CNTN1: variants seen among roughly 807,000 people sequenced by gnomAD.
CNTN1 encodes contactin-1.
Under a neutral mutation model 126.4 loss-of-function variants are expected in CNTN1, and 38 were observed. The observed-to-expected ratio is 0.30, with a 90% confidence interval of 0.23 to 0.39. The LOEUF (loss-of-function observed/expected upper bound fraction) is 0.39. CNTN1 is among the 10% of genes least tolerant of loss of function. The pLI is 1.00. For missense variants in CNTN1, 1,009 were observed against 1,248.4 expected (o/e 0.81, Z 2.89); for synonymous variants, 413 against 422.6 (o/e 0.98, Z 0.28).
chr12:40,749,602 A>G lies in CNTN1; in HGVS notation c.-77+57010A>G, dbSNP rs573023294. On this transcript the variant is annotated intron_variant, in intron 1 of 23. Transcript: ENST00000551295. ...ACAATGGTAATAGTAGTAGTTACAT[A>G]TGTGGTTTTGTTTTTTGTGTTTTGT... Among the ~76,000 whole-genome samples the G allele has an allele frequency of 8.3e-5, 8 of 96,748 alleles. 2 individuals are homozygous for G. The South Asian group carries it at 2.6e-3, about 32-fold the overall frequency. 63.5% of individuals were successfully genotyped at this position (96,748 alleles called of 152,430 possible). A position where few individuals can be genotyped will look rare whatever the true frequency, so the allele number is the denominator to read the frequency against.
chr12:41,014,207 A>G (rs1216544571), intron 17 of CNTN1, 21 bp from the exon 18 acceptor site: 5 of 1,612,524 alleles, frequency 3.1e-6, no homozygotes, highest in East Asian at 2.2e-5. Flanking sequence ...TGTTTTGCAT[A>G]TATTTGTTTG....
chr12:40,889,378 T>A (rs1032832144), intron 1 of CNTN1, among the ~76,000 whole-genome samples: 1 of 152,216 alleles, frequency 6.6e-6, no homozygotes, highest in African/African-American at 2.4e-5. Context: ...GCAATTGGAA[T>A]GTCATTGCTT....
chr12:41,045,979 G>C (rs937720577), intron 23 of CNTN1, among the ~76,000 whole-genome samples: 1 of 152,090 alleles, frequency 6.6e-6, no homozygotes, highest in African/African-American at 2.4e-5. Context: ...GGTTATTGAA[G>C]GTTACAGAAA....
intron 1 of CNTN1, among the ~76,000 whole-genome samples, chr12:40,745,328 G>T (rs979829831): frequency 2.0e-5 from 3 of 152,042 alleles, no homozygotes; most frequent in Admixed American, 6.6e-5. Context: ...AAGGTGCTCG[G>T]CCCACAGCTA....
intron 1 of CNTN1, among the ~76,000 whole-genome samples, chr12:40,809,485 A>G (rs1940971900): frequency 6.6e-6 from 1 of 152,206 alleles, no homozygotes; most frequent in Non-Finnish European, 1.5e-5. Flanking sequence ...CAAATTTTAT[A>G]TCTTGAACCT....
At position 40,939,488 on chromosome 12, in the gene CNTN1, C is replaced by A; in HGVS notation, c.1379+3C>A. ...GAGTGGCTTGTCAATAGCAGCAGGT[C>A]AGTGCTGAAACTAGAAATCCAATTG... On this transcript the variant is annotated splice_donor_region_variant and intron_variant, in intron 12 of 23. Coordinates refer to ENST00000551295, the MANE Select transcript of CNTN1 (RefSeq NM_001843.4). The A allele has an allele frequency of 1.2e-6, 2 of 1,613,436 alleles. No individual in the cohort carries two copies. The highest frequency in any genetic ancestry group is 2.2e-5 in the South Asian group (2 of 91,030).
chr12:40,971,101 G>A (rs1229642778), intron 15 of CNTN1, among the ~76,000 whole-genome samples: 2 of 152,128 alleles, frequency 1.3e-5, no homozygotes, highest in African/African-American at 4.8e-5. Context: ...TGTTTCAGTA[G>A]ATAGACTTGC....
chr12:40,912,941 G>A (rs926337587), intron 3 of CNTN1, among the ~76,000 whole-genome samples: 3 of 152,140 alleles, frequency 2.0e-5, no homozygotes, highest in Non-Finnish European at 4.4e-5. Flanking sequence ...CTATATATTA[G>A]GATGTAGTAA....
At chr12:40,954,270 T>C (rs1184681743) in intron 14 of CNTN1, among the ~76,000 whole-genome samples, 1 of 152,042 alleles carries the variant, frequency 6.6e-6, no homozygotes, top group African/African-American at 2.4e-5. Flanking sequence ...GAATATTTAG[T>C]ATCAAGTGCA....
chr12:41,056,511 A>G (rs1398999638), intron 23 of CNTN1, among the ~76,000 whole-genome samples: 2 of 152,174 alleles, frequency 1.3e-5, no homozygotes, highest in Non-Finnish European at 2.9e-5. Flanking sequence ...AGAGATACCC[A>G]GAAATACACA....
At chr12:40,968,072 A>G (rs1947371300) in intron 15 of CNTN1, among the ~76,000 whole-genome samples, 1 of 152,042 alleles carries the variant, frequency 6.6e-6, no homozygotes, top group Non-Finnish European at 1.5e-5. Context: ...TATTCATTTT[A>G]CACATGAGAA....
At chr12:41,029,332 T>A in intron 23 of CNTN1, 113 bp downstream of exon 23, 1 of 1,189,736 alleles carries the variant, frequency 8.4e-7, no homozygotes, top group Non-Finnish European at 1.3e-6. Flanking sequence ...TTTTCCTAAG[T>A]AGATTGGACA....
At chr12:40,816,623 T>C (rs1205193666) in intron 1 of CNTN1, among the ~76,000 whole-genome samples, 1 of 151,878 alleles carries the variant, frequency 6.6e-6, no homozygotes, top group African/African-American at 2.4e-5. Context: ...TTTTGAAGGG[T>C]TTTTCGTGTC....
intron 15 of CNTN1, among the ~76,000 whole-genome samples, chr12:40,977,555 G>T (rs981479864): frequency 6.7e-6 from 1 of 148,420 alleles, no homozygotes; most frequent in Non-Finnish European, 1.5e-5. Flanking sequence ...AGTAATAAGT[G>T]GTAAATGAAT....
intron 1 of CNTN1, among the ~76,000 whole-genome samples, chr12:40,695,585 A>T (rs1006734115): frequency 6.6e-6 from 1 of 152,150 alleles, no homozygotes; most frequent in African/African-American, 2.4e-5. Context: ...CATGGTCTCT[A>T]TCATATCCCA....
At chr12:40,856,614 AATT>A (rs1942917345) in intron 1 of CNTN1, among the ~76,000 whole-genome samples, 1 of 152,104 alleles carries the variant, frequency 6.6e-6, no homozygotes, top group Non-Finnish European at 1.5e-5. Flanking sequence ...AGGGATAGTG[AATT>A]ATTATGAATG....
At chr12:40,958,503 C>T (rs1946981533) in intron 14 of CNTN1, among the ~76,000 whole-genome samples, 1 of 151,854 alleles carries the variant, frequency 6.6e-6, no homozygotes, top group Non-Finnish European at 1.5e-5. Flanking sequence ...AGCAAAATTT[C>T]CTCAAGACTC....
At chr12:40,904,304 A>C (rs1439024265) in intron 1 of CNTN1, among the ~76,000 whole-genome samples, 2 of 151,602 alleles carry the variant, frequency 1.3e-5, no homozygotes, top group African/African-American at 2.4e-5. Context: ...GGCGTGAGCC[A>C]CCCCGCCCAG....
intron 23 of CNTN1, among the ~76,000 whole-genome samples, chr12:41,031,899 A>C (rs1949152290): frequency 6.6e-6 from 1 of 152,224 alleles, no homozygotes; most frequent in Admixed American, 6.5e-5. Context: ...ATGTGTAAAT[A>C]CAAACAGAAA....
Sources: gnomAD v4.1 joint callset for allele counts (sites outside exome capture counted in the v4.1 genomes callset) on GRCh38, gnomAD v4.1.1 for gene constraint, MANE v1.5 for transcripts, NCBI Gene and HGNC (gene_info 2026-07-23, HGNC 2026-07-21) for gene names.